The following DDAH1 variants were observed in gnomAD, a reference collection of about 807,000 sequenced individuals.
DDAH1 encodes N(G),N(G)-dimethylarginine dimethylaminohydrolase 1.
A neutral mutation model predicts 28.8 loss-of-function variants in DDAH1; 19 were observed. The ratio of observed to expected loss-of-function variants is 0.66; its 90% CI spans 0.46 to 0.97. The LOEUF (loss-of-function observed/expected upper bound fraction) is 0.97. DDAH1 is among the 50% of genes least tolerant of loss of function. The pLI, the probability that DDAH1 is intolerant of heterozygous loss-of-function variation, is 0.00. For missense variants in DDAH1, 326 were observed against 375.9 expected, an observed-to-expected ratio of 0.87 and a Z score of 1.10; for synonymous variants, 153 against 154.4, an observed-to-expected ratio of 0.99 and a Z score of 0.07.
At chr1:85,456,653 A>C (rs1334015410) in intron 1 of DDAH1, among the ~76,000 whole-genome samples, 3 of 152,264 alleles carry the variant, frequency 2.0e-5, no homozygotes, top group Non-Finnish European at 4.4e-5. Context: ...TACAAGTATT[A>C]AGTGTATTTT....
At chr1:85,399,674 A>G (rs923045948) in intron 1 of DDAH1, 4 of 152,270 alleles carry the variant, frequency 2.6e-5, no homozygotes, top group East Asian at 1.9e-4. Flanking sequence ...TTTCCCAAAT[A>G]GGCCAATTTC....
intron 1 of DDAH1, among the ~76,000 whole-genome samples, chr1:85,533,230 A>C (rs1266729580): frequency 6.6e-6 from 1 of 152,210 alleles, no homozygotes; most frequent in Non-Finnish European, 1.5e-5. Context: ...TATATACTAA[A>C]ATAATTTATT....
intron 1 of DDAH1, among the ~76,000 whole-genome samples, chr1:85,388,862 G>C (rs182509744): frequency 6.6e-6 from 1 of 152,120 alleles, no homozygotes; most frequent in African/African-American, 2.4e-5. Flanking sequence ...AAAGTTCACC[G>C]GCCCAGGATT....
chr1:85,496,814 C>A (rs1164600921), intron 1 of DDAH1, among the ~76,000 whole-genome samples: 1 of 152,090 alleles, frequency 6.6e-6, no homozygotes, highest in Non-Finnish European at 1.5e-5. Context: ...ATATCATAAA[C>A]CTTCACAGGA....
chr1:85,363,041 T>C (rs1649873928), intron 1 of DDAH1, among the ~76,000 whole-genome samples: 1 of 152,226 alleles, frequency 6.6e-6, no homozygotes. Flanking sequence ...ATATTCATAA[T>C]AACTTGTTAT....
chr1:85,518,443 C>T (rs1426209818), intron 1 of DDAH1, among the ~76,000 whole-genome samples: 1 of 152,204 alleles, frequency 6.6e-6, no homozygotes, highest in Non-Finnish European at 1.5e-5. Context: ...AGACCGAGAT[C>T]TCTCTTTCCT....
chr1:85,461,436 G>A (rs1171950560), intron 1 of DDAH1, among the ~76,000 whole-genome samples: 1 of 152,096 alleles, frequency 6.6e-6, no homozygotes, highest in African/African-American at 2.4e-5. Context: ...AATGAAACAC[G>A]ATGTTTTGAT....
chr1:85,375,575 T>C (rs1350422261), intron 1 of DDAH1, among the ~76,000 whole-genome samples: 3 of 152,272 alleles, frequency 2.0e-5, no homozygotes, highest in East Asian at 3.9e-4. Flanking sequence ...TTCCATTAAA[T>C]TGCTAATAAA....
At chr1:85,527,827 CT>C (rs1333363719) in intron 1 of DDAH1, among the ~76,000 whole-genome samples, 3 of 152,010 alleles carry the variant, frequency 2.0e-5, no homozygotes, top group Non-Finnish European at 4.4e-5. Flanking sequence ...ATCAGAAGTT[CT>C]ATTTTGAATT....
intron 1 of DDAH1, among the ~76,000 whole-genome samples, chr1:85,364,542 T>C (rs1168268207): frequency 7.0e-6 from 1 of 143,466 alleles, no homozygotes; most frequent in Admixed American, 7.1e-5. Flanking sequence ...CCATATGTGC[T>C]GATTACTTTC....
At chr1:85,458,369 C>T (rs1005166909) in intron 1 of DDAH1, among the ~76,000 whole-genome samples, 14 of 148,812 alleles carry the variant, frequency 9.4e-5, no homozygotes, top group African/African-American at 3.2e-4. Context: ...AAATGATGTA[C>T]ATTATTAAAT....
exon 1 of DDAH1, chr1:85,578,051 C>G (rs1296614277): frequency 1.0e-6 from 1 of 983,848 alleles, no homozygotes; most frequent in Non-Finnish European, 1.2e-6. Flanking sequence ...CCAGCGGAGG[C>G]GGCGAGAAGG....
intron 1 of DDAH1, among the ~76,000 whole-genome samples, chr1:85,382,067 G>C (rs1651022052): frequency 6.6e-6 from 1 of 152,156 alleles, no homozygotes; most frequent in Admixed American, 6.5e-5. Flanking sequence ...TAAATCAGAA[G>C]CTAGAAATTA....
At chr1:85,481,024 T>C (rs897382382) in intron 2 of DDAH1, among the ~76,000 whole-genome samples, 6 of 151,696 alleles carry the variant, frequency 4.0e-5, no homozygotes, top group African/African-American at 9.7e-5. Context: ...CTTTAAAATT[T>C]TATGTGTTTT....
At chr1:85,356,100 G>A (rs1649474764) in intron 2 of DDAH1, among the ~76,000 whole-genome samples, 1 of 152,202 alleles carries the variant, frequency 6.6e-6, no homozygotes, top group Non-Finnish European at 1.5e-5. Flanking sequence ...TCCTGGCAAT[G>A]TTCTACTTCT....
chr1:85,430,594 C>A (rs766790873), intron 1 of DDAH1, among the ~76,000 whole-genome samples: 7 of 152,218 alleles, frequency 4.6e-5, no homozygotes, highest in African/African-American at 7.2e-5. Context: ...GTTTGTAGTT[C>A]TCCTTGAAGA....
At position 85,464,964 on chromosome 1, in the gene DDAH1, G is replaced by A; in HGVS notation, c.82C>T (p.His28Tyr). 2.7e-6 allele frequency: 4 copies of A among 1,483,512 alleles called. No individual in the cohort carries two copies. Among genetic ancestry groups the A allele is most frequent in the Non-Finnish European group, 3.6e-6 (4 of 1,123,052 alleles). The allele number at this position is 1,483,512 out of a possible 1,614,324, so 91.9% of individuals were successfully genotyped here. A position where few individuals can be genotyped will look rare whatever the true frequency, so the allele number is the denominator to read the frequency against. The change falls in exon 1 of 6, where the codon CAC (histidine) becomes TAC (tyrosine). Residue 28 changes from histidine (H) to tyrosine (Y), a missense_variant. Physicochemically the swap from His to Tyr is moderately conservative, Grantham distance 83. Coordinates refer to ENST00000284031, the MANE Select transcript of DDAH1 (RefSeq NM_012137.4). The surrounding 1 kb of genome is among the most constrained non-coding windows in gnomAD (Gnocchi z 4.4). ...TCGCCCTTGGCGCTTCTCAGCGCGT[G>A]CTGGCCGAGCGACTCGGGTAGCGCC... ...VRALPESLGQ[H>Y]ALRSAKGEEV... is the part of the protein sequence containing the mutation.
At chr1:85,419,581 A>C (rs1653045456) in intron 1 of DDAH1, among the ~76,000 whole-genome samples, 1 of 144,778 alleles carries the variant, frequency 6.9e-6, no homozygotes, top group Non-Finnish European at 1.5e-5. Flanking sequence ...CATATTTTAA[A>C]AATAAACTTT....
At chr1:85,560,924 C>G (rs1172879860) in intron 1 of DDAH1, among the ~76,000 whole-genome samples, 1 of 151,960 alleles carries the variant, frequency 6.6e-6, no homozygotes, top group East Asian at 1.9e-4. Flanking sequence ...TAATGAGCAT[C>G]TTTAACACAA....
Sources: allele counts gnomAD v4.1 joint callset (sites outside exome capture counted in the v4.1 genomes callset), GRCh38; gene constraint gnomAD v4.1.1; non-coding constraint Gnocchi (gnomAD v3.1); transcripts MANE v1.5; gene names NCBI Gene and HGNC (gene_info 2026-07-23, HGNC 2026-07-21).